The following URB1 variants were observed in gnomAD, a reference collection of about 807,000 sequenced individuals.
URB1 encodes the protein nucleolar pre-ribosomal-associated protein 1.
URB1 carries 197 observed loss-of-function variants against 242.3 expected under a neutral mutation model. The observed-to-expected ratio is 0.81, with a 90% CI of 0.72 to 0.91. URB1 has a LOEUF of 0.91. URB1 is among the 40% of genes least tolerant of loss of function. URB1 has a pLI of 0.00. For missense variants in URB1, 2,721 were observed against 2,860.5 expected, an observed-to-expected ratio of 0.95 and a Z score of 1.11; for synonymous variants, 1,153 against 1,201.8, an observed-to-expected ratio of 0.96 and a Z score of 0.84.
intron 33 of URB1, 144 bp downstream of exon 33, chr21:32,322,331 CGAA>C: frequency 1.4e-6 from 1 of 720,524 alleles, no homozygotes; most frequent in South Asian, 1.7e-5. Context: ...GGAGACATTC[CGAA>C]GTGCAGGCCT....
intron 23 of URB1, among the ~76,000 whole-genome samples, chr21:32,344,996 C>CT (rs1298784150): frequency 1.3e-5 from 2 of 152,202 alleles, no homozygotes; most frequent in Non-Finnish European, 2.9e-5. Flanking sequence ...TATGTCCAGA[C>CT]TTTTTCTAAA....
At chr21:32,391,356 C>T (rs2033636216) in intron 1 of URB1, among the ~76,000 whole-genome samples, 1 of 148,084 alleles carries the variant, frequency 6.8e-6, no homozygotes, top group Admixed American at 6.9e-5. Flanking sequence ...TACCCTAAAA[C>T]TTAAAGTATG....
At chr21:32,332,307 C>T (rs534577526) in intron 30 of URB1, among the ~76,000 whole-genome samples, 1 of 151,646 alleles carries the variant, frequency 6.6e-6, no homozygotes, top group South Asian at 2.1e-4. Context: ...AAAAACTGAC[C>T]AAATGGGCTT....
rs762834290 is a variant in URB1 at position 32,368,401 on chromosome 21, A to G, written c.1197+2T>C. ...AGACTTTTAAATATCATGTTTTTTT[A>G]CCTTGTTTAGTAGTTTGATATTATT... On this transcript the variant is annotated splice_donor_variant, in intron 9 of 38. Transcript: ENST00000382751. LOFTEE classifies it high-confidence loss of function. 2.6e-6 allele frequency: 4 copies of G among 1,530,576 alleles called. No individual in the cohort carries two copies. The highest frequency in any genetic ancestry group is 1.4e-5 in the African/African-American group (1 of 71,786). The allele number at this position is 1,530,576 out of a possible 1,614,324, so 94.8% of individuals were successfully genotyped here.
In URB1 at chr21:32,392,879, C is replaced by G. The variant is rs1428575018; in HGVS notation, c.32G>C (p.Gly11Ala). The part of the protein sequence containing the change: MGVPKRKASG[G>A]QDGAASSAGA... ...CGCGGAGGAAGCCGCGCCGTCCTGG[C>G]CGCCCGAGGCCTTCCTCTTGGGGAC... is the stretch of plus-strand genomic sequence containing the variant. The change falls in exon 1 of 39, where the codon GGC becomes GCC. Residue 11 changes from glycine to alanine, a missense_variant. By Grantham distance (60) the Gly-to-Ala change is moderately conservative. Coordinates refer to ENST00000382751, the MANE Select transcript of URB1 (RefSeq NM_014825.3). 3 of 1,530,418 alleles carry G rather than the reference C, an allele frequency of 2.0e-6. No homozygotes were observed. In the African/African-American group the frequency reaches 4.1e-5, roughly 21 times the overall value. The allele number at this position is 1,530,418 out of a possible 1,614,324, so 94.8% of individuals were successfully genotyped here. A position where few individuals can be genotyped will look rare whatever the true frequency, so the allele number is the denominator to read the frequency against.
In URB1 at chr21:32,334,201, G is replaced by A; in HGVS notation, c.4819C>T (p.Leu1607=). ...LDRDRMMQTI[L]HFPQNRRLLP... is the part of the protein sequence containing the mutation. ...AGCCTCCGGTTCTGGGGGAAGTGCA[G>A]GATGGTCTGCATCATCCGGTCCCGG... Residue 1607 remains leucine (L), a synonymous_variant, in exon 29 of 39, where the codon CTG becomes TTG. Coordinates refer to ENST00000382751, the MANE Select transcript of URB1 (RefSeq NM_014825.3). The A allele has an allele frequency of 6.4e-7, 1 of 1,551,268 alleles. No homozygotes were observed. Among genetic ancestry groups the A allele is most frequent in the South Asian group, 1.2e-5 (1 of 84,032 alleles).
intron 30 of URB1, among the ~76,000 whole-genome samples, chr21:32,329,382 TAGGCTA>T (rs2032868248): frequency 6.6e-6 from 1 of 152,134 alleles, no homozygotes; most frequent in African/African-American, 2.4e-5. Flanking sequence ...GGCACCCCAA[TAGGCTA>T]GACTCATCAC....
At chr21:32,349,277 A>G in intron 21 of URB1, 27 bp downstream of exon 21, 1 of 1,502,334 alleles carries the variant, frequency 6.7e-7, no homozygotes. Context: ...CTCTGAGAAT[A>G]GGCTACCAGG....
At chr21:32,320,966 G>A (rs1250166814) in intron 34 of URB1, among the ~76,000 whole-genome samples, 1 of 152,204 alleles carries the variant, frequency 6.6e-6, no homozygotes, top group South Asian at 2.1e-4. Context: ...CAGGGAGTGC[G>A]TGAGGGCCCG....
chr21:32,346,712 G>A (rs1351398906), intron 22 of URB1, among the ~76,000 whole-genome samples: 2 of 152,146 alleles, frequency 1.3e-5, no homozygotes, highest in Non-Finnish European at 2.9e-5. Flanking sequence ...TTCATGTGGG[G>A]GAACTCAGAC....
At chr21:32,316,178 G>A (rs1056927107) in intron 38 of URB1, among the ~76,000 whole-genome samples, 3 of 151,888 alleles carry the variant, frequency 2.0e-5, no homozygotes, top group Non-Finnish European at 4.4e-5. Context: ...CATTGCCTGC[G>A]GGGTGGAGGG....
rs1369520282 is a variant in URB1 at position 32,322,542 on chromosome 21, T to C, written c.5276A>G (p.His1759Arg). ...YLKVSNFLLS[H>R]EYLNMDKVPG... ...CACTTTGTCCATGTTCAAGTACTCA[T>C]GCGACAGCAGGAAGTTGCTGACCTT... Residue 1759 changes from histidine to arginine, a missense_variant, in exon 33 of 39, where the codon CAT becomes CGT. Physicochemically the swap from His to Arg is conservative, Grantham distance 29. Coordinates refer to ENST00000382751, the MANE Select transcript of URB1 (RefSeq NM_014825.3). 6.4e-7 allele frequency: 1 copy of C among 1,552,188 alleles called. No individual in the cohort carries two copies. Among genetic ancestry groups the C allele is most frequent in the African/African-American group, 1.4e-5 (1 of 73,188 alleles).
intron 3 of URB1, 46 bp downstream of exon 3, chr21:32,384,267 C>T: frequency 1.3e-6 from 2 of 1,531,146 alleles, no homozygotes; most frequent in Non-Finnish European, 1.8e-6. Context: ...GAATGCAGAC[C>T]AAACCCAAAG....
In URB1 at chr21:32,338,826, G is replaced by C. The variant is rs1244070229; in HGVS notation, c.4391C>G (p.Ser1464Cys). The C allele has an allele frequency of 5.2e-6, 8 of 1,551,682 alleles. No individual in the cohort carries two copies. Among genetic ancestry groups the C allele is most frequent in the Non-Finnish European group, 7.0e-6 (8 of 1,147,002 alleles). The change falls in exon 26 of 39, where the codon TCC (serine) becomes TGC (cysteine). Residue 1464 changes from serine to cysteine, a missense_variant. By Grantham distance (112) the Ser-to-Cys change is moderately radical. Coordinates refer to ENST00000382751, the MANE Select transcript of URB1 (RefSeq NM_014825.3). ...GAGCTGGATGAGCTTCGTGCGCACG[G>C]AGCTTTCTGGGCTGTACAGGAGCTG... is the stretch of plus-strand genomic sequence containing the variant. ...AVQLLYSPES[S>C]VRTKLIQLPV...
Position 32,345,437 on chromosome 21 carries a change from T to C in URB1, c.4007A>G (p.Lys1336Arg), listed in dbSNP as rs1277761549. The change falls in exon 23 of 39, where the codon AAG becomes AGG. Residue 1336 changes from lysine (K) to arginine (R), a missense_variant. Lys to Arg is a conservative substitution (Grantham distance 26). Transcript: ENST00000382751. ...LAQLVPFARAKDLSVLMDRLP... is the reference protein window; with the variant it reads ...LAQLVPFARARDLSVLMDRLP... ...GCGGTCCATGAGTACACTGAGATCC[T>C]TGGCTCGTGCAAACGGGACCAGCTG... 3.2e-6 allele frequency: 5 copies of C among 1,551,404 alleles called. No individual in the cohort carries two copies. Among genetic ancestry groups the C allele is most frequent in the East Asian group, 2.4e-5 (1 of 40,898 alleles).
At position 32,325,409 on chromosome 21, in the gene URB1, G is replaced by A; in HGVS notation, c.4961-20C>T. The A allele has an allele frequency of 6.5e-7, 1 of 1,541,588 alleles. No individual in the cohort carries two copies. The highest frequency in any genetic ancestry group is 8.8e-7 in the Non-Finnish European group (1 of 1,138,766). The stretch of plus-strand genomic sequence containing the variant: ...CAAACTCTGCAGGAAATGAAATACA[G>A]CATGAAACACACACAATATGATTTT... On this transcript the variant is annotated intron_variant, in intron 30 of 38. Transcript: ENST00000382751.
At position 32,325,293 on chromosome 21, in the gene URB1, G is replaced by C; in HGVS notation, c.5057C>G (p.Ala1686Gly). ...SSYDPQMRAI[A>G]YHVLAAYYSH... is the part of the protein sequence containing the mutation. ...GTAGTAGGCCGCCAGGACATGGTAG[G>C]CTATGGCTCGCATCTGGGGGTCATA... The change falls in exon 31 of 39, where the codon GCC becomes GGC. Residue 1686 changes from alanine to glycine, a missense_variant. Physicochemically the swap from Ala to Gly is moderately conservative, Grantham distance 60. Transcript: ENST00000382751. The C allele has an allele frequency of 6.4e-7, 1 of 1,551,732 alleles. No homozygotes were observed. The highest frequency in any genetic ancestry group is 8.7e-7 in the Non-Finnish European group (1 of 1,147,006).
chr21:32,317,922 T>G lies in URB1; in HGVS notation c.5793-5A>C. 6.4e-7 allele frequency: 1 copy of G among 1,551,468 alleles called. No individual in the cohort carries two copies. Among genetic ancestry groups the G allele is most frequent in the Non-Finnish European group, 8.7e-7 (1 of 1,146,934 alleles). ...TGGACGGGGGCCAAGGTGGGCCTGT[T>G]TGGGAGTCAATGTTACAGACTGAGC... is the stretch of plus-strand genomic sequence containing the variant. On this transcript the variant is annotated splice_region_variant and splice_polypyrimidine_tract_variant and intron_variant, in intron 36 of 38. Transcript: ENST00000382751.
chr21:32,335,267 G>T, intron 28 of URB1: 1 of 153,544 alleles, frequency 6.5e-6, no homozygotes, highest in Non-Finnish European at 1.5e-5. Flanking sequence ...TGCTGCCCCA[G>T]GCCCCTCTGC....
Sources: gnomAD v4.1 joint callset for allele counts (sites outside exome capture counted in the v4.1 genomes callset) on GRCh38, gnomAD v4.1.1 for gene constraint, MANE v1.5 for transcripts, NCBI Gene and HGNC (gene_info 2026-07-23, HGNC 2026-07-21) for gene names.